Variants in NECTIN3 observed in about 807,000 individuals in gnomAD.
The protein encoded by NECTIN3 is nectin cell adhesion molecule 3, also known as nectin-3.
A neutral mutation model predicts 49.4 loss-of-function variants in NECTIN3; 8 were observed. That is an observed-to-expected ratio of 0.16 (90% CI 0.10 to 0.29). The LOEUF (loss-of-function observed/expected upper bound fraction) is 0.29. Ranked by LOEUF, NECTIN3 falls within the 10% of genes least tolerant of loss-of-function variation. The pLI, the probability that NECTIN3 is intolerant of heterozygous loss-of-function variation, is 1.00. For synonymous variants in NECTIN3, 277 were observed against 241.1 expected (o/e 1.15, Z -1.38); for missense variants, 581 against 654.6 (o/e 0.89, Z 1.23).
At chr3:111,090,466 A>G (rs1208005448) in intron 1 of NECTIN3, among the ~76,000 whole-genome samples, 1 of 151,986 alleles carries the variant, frequency 6.6e-6, no homozygotes, top group Non-Finnish European at 1.5e-5. Flanking sequence ...AAGTCATATT[A>G]ATTAGTACAT....
chr3:111,104,028 A>G (rs923691130), intron 1 of NECTIN3, among the ~76,000 whole-genome samples: 25 of 152,176 alleles, frequency 1.6e-4, no homozygotes, highest in African/African-American at 4.6e-4. Flanking sequence ...CTGATGAGCA[A>G]AGACACAGGA....
chr3:111,171,448 G>A (rs2035431002), intron 7 of NECTIN3, among the ~76,000 whole-genome samples: 1 of 152,162 alleles, frequency 6.6e-6, no homozygotes, highest in Non-Finnish European at 1.5e-5. Context: ...TCAATGAAAG[G>A]GGCTGAGCAA....
At chr3:111,159,937 G>T (rs1576170095) in intron 7 of NECTIN3, among the ~76,000 whole-genome samples, 1 of 152,212 alleles carries the variant, frequency 6.6e-6, no homozygotes, top group East Asian at 1.9e-4. Context: ...TTCAGGAATT[G>T]TTTGATAGCC....
chr3:111,132,462 C>T (rs546567500), intron 5 of NECTIN3, among the ~76,000 whole-genome samples: 1 of 151,826 alleles, frequency 6.6e-6, no homozygotes, highest in Non-Finnish European at 1.5e-5. Context: ...ATCAGTACCA[C>T]TCATTTAAAA....
chr3:111,167,739 A>G (rs7610760), intron 7 of NECTIN3, among the ~76,000 whole-genome samples: 41,084 of 151,986 alleles, frequency 0.27, 10,981 homozygotes, highest in African/African-American at 0.69. Context: ...CTCCCTATGT[A>G]TAAACTTTAT....
intron 7 of NECTIN3, among the ~76,000 whole-genome samples, chr3:111,180,479 A>G (rs1447538372): frequency 6.6e-6 from 1 of 152,236 alleles, no homozygotes; most frequent in Non-Finnish European, 1.5e-5. Flanking sequence ...TTAGTGTACA[A>G]TCTTTATAGT....
At chr3:111,150,711 CTT>C (rs549708738) in intron 7 of NECTIN3, among the ~76,000 whole-genome samples, 10 of 148,312 alleles carry the variant, frequency 6.7e-5, no homozygotes, top group African/African-American at 2.2e-4. Context: ...TTGCGTGAAG[CTT>C]TTTTTTTTCT....
intron 1 of NECTIN3, among the ~76,000 whole-genome samples, chr3:111,077,564 T>C (rs4682230): frequency 0.71 from 106,986 of 151,408 alleles, 43,495 homozygotes; most frequent in Non-Finnish European, 0.93. Flanking sequence ...TTTGAAGCAA[T>C]GTGGCCGGGC....
chr3:111,113,165 A>G (rs994205843), intron 2 of NECTIN3, among the ~76,000 whole-genome samples: 1 of 152,156 alleles, frequency 6.6e-6, no homozygotes, highest in Non-Finnish European at 1.5e-5. Flanking sequence ...ACCTCAGGCC[A>G]GTGACTAAGT....
intron 5 of NECTIN3, among the ~76,000 whole-genome samples, chr3:111,131,818 G>A (rs911124758): frequency 6.6e-6 from 1 of 151,592 alleles, no homozygotes; most frequent in Non-Finnish European, 1.5e-5. Context: ...AAAAAAACTA[G>A]CATATAAAGA....
chr3:111,141,023 T>G (rs1053489101), downstream of NECTIN3, among the ~76,000 whole-genome samples: 8 of 151,948 alleles, frequency 5.3e-5, no homozygotes, highest in African/African-American at 1.7e-4. Context: ...AATTCATCCC[T>G]GCATTCCTGG....
At chr3:111,122,371 A>G (rs1273109351) in intron 4 of NECTIN3, 133 bp downstream of exon 4, 1 of 656,588 alleles carries the variant, frequency 1.5e-6, no homozygotes, top group Non-Finnish European at 2.5e-6. Flanking sequence ...TTTCTGTCTT[A>G]TCCTTCCCCA....
intron 7 of NECTIN3, among the ~76,000 whole-genome samples, chr3:111,170,448 A>G (rs2035414052): frequency 6.6e-6 from 1 of 151,892 alleles, no homozygotes; most frequent in Non-Finnish European, 1.5e-5. Context: ...GGTATTAAGG[A>G]AAAAAAACAT....
chr3:111,111,324 T>A (rs891022516), intron 1 of NECTIN3, among the ~76,000 whole-genome samples: 2 of 152,184 alleles, frequency 1.3e-5, no homozygotes, highest in African/African-American at 4.8e-5. Flanking sequence ...TTGTGAAATT[T>A]TTTTTCTTAA....
At chr3:111,082,959 C>T (rs1006369259) in intron 1 of NECTIN3, among the ~76,000 whole-genome samples, 2 of 152,086 alleles carry the variant, frequency 1.3e-5, no homozygotes, top group Non-Finnish European at 2.9e-5. Flanking sequence ...AGGGTTCGTG[C>T]TCCTGTGAGA....
At chr3:111,192,149 C>T (rs1405420960), upstream of NECTIN3, among the ~76,000 whole-genome samples, 2 of 152,102 alleles carry the variant, frequency 1.3e-5, no homozygotes, top group Non-Finnish European at 1.5e-5. Context: ...TTCTTCTTTC[C>T]AGAAGTCAAG....
intron 7 of NECTIN3, among the ~76,000 whole-genome samples, chr3:111,186,271 C>T (rs971539251): frequency 2.0e-5 from 3 of 151,986 alleles, no homozygotes; most frequent in African/African-American, 7.3e-5. Context: ...ACAAAAAGAA[C>T]AAAGCTAGAG....
chr3:111,181,967 T>G (rs1418540274), intron 7 of NECTIN3, among the ~76,000 whole-genome samples: 1 of 151,994 alleles, frequency 6.6e-6, no homozygotes, highest in East Asian at 1.9e-4. Flanking sequence ...CTTTCTTCTT[T>G]TCTAATACAA....
chr3:111,123,894 CACTG>C (rs1274383584), intron 4 of NECTIN3, among the ~76,000 whole-genome samples: 1 of 152,180 alleles, frequency 6.6e-6, no homozygotes, highest in African/African-American at 2.4e-5. Flanking sequence ...GGTTGAGAAA[CACTG>C]ACCTAAGGCA....
Sources: gnomAD v4.1 joint callset for allele counts (sites outside exome capture counted in the v4.1 genomes callset) on GRCh38, gnomAD v4.1.1 for gene constraint, MANE v1.5 for transcripts, NCBI Gene and HGNC (gene_info 2026-07-23, HGNC 2026-07-21) for gene names.